FSIP2: variants seen among roughly 807,000 people sequenced by gnomAD.
FSIP2 encodes fibrous sheath-interacting protein 2.
In FSIP2, 367 loss-of-function variants were observed where a neutral mutation model predicts 510.5. The ratio of observed to expected loss-of-function variants is 0.72; its 90% CI spans 0.66 to 0.78. The LOEUF (loss-of-function observed/expected upper bound fraction) is 0.78. Ranked by LOEUF, FSIP2 falls within the 30% of genes least tolerant of loss-of-function variation. FSIP2 has a pLI of 0.00. For synonymous variants in FSIP2, 2,601 were observed against 2,732.2 expected (o/e 0.95, Z 1.50); for missense variants, 7,594 against 7,901.7 (o/e 0.96, Z 1.48).
In FSIP2 at chr2:185,763,219, C is replaced by T. The variant is rs1387941304; in HGVS notation, c.1277C>T (p.Ser426Leu). ...INISGQGSII[S>L]AQVSPTRNFS... is the part of the protein sequence containing the mutation. ...ATTTCAGGCCAAGGTTCAATTATTT[C>T]AGCGCAGGTATCACCCACGAGAAAT... Residue 426 changes from serine (S) to leucine (L), a missense_variant, in exon 12 of 23, where the codon TCA becomes TTA. Transcript: ENST00000424728. The T allele has an allele frequency of 5.9e-6, 9 of 1,514,624 alleles. No individual in the cohort carries two copies. The highest frequency in any genetic ancestry group is 1.4e-5 in the African/African-American group (1 of 72,406). The allele number at this position is 1,514,624 out of a possible 1,614,324, so 93.8% of individuals were successfully genotyped here.
At chr2:185,824,739 G>A (rs1050269003) in intron 20 of FSIP2, among the ~76,000 whole-genome samples, 1 of 151,640 alleles carries the variant, frequency 6.6e-6, no homozygotes, top group East Asian at 2.0e-4. Flanking sequence ...CCATACTCCT[G>A]TGAAATATCT....
At chr2:185,738,093 A>G (rs1019024219), upstream of FSIP2, 1 of 159,576 alleles carries the variant, frequency 6.3e-6, no homozygotes, top group Admixed American at 5.8e-5. Flanking sequence ...AGTTAAGTCT[A>G]AACAACAGGT....
chr2:185,825,143 T>C (rs768135461), intron 20 of FSIP2, among the ~76,000 whole-genome samples: 1 of 151,826 alleles, frequency 6.6e-6, no homozygotes, highest in African/African-American at 2.4e-5. Flanking sequence ...AACAAACATA[T>C]TCTCCCAATT....
chr2:185,774,580 G>GTGTC, intron 13 of FSIP2, among the ~76,000 whole-genome samples: 1 of 102,066 alleles, frequency 9.8e-6, no homozygotes, highest in South Asian at 3.8e-4. Context: ...CATCAAGCAG[G>GTGTC]ATTTTTTTTT....
At chr2:185,815,339 TTTAGTG>T (rs751870621) in intron 18 of FSIP2, 26 bp from the exon 19 acceptor site, 1 of 934,710 alleles carries the variant, frequency 1.1e-6, no homozygotes, top group Non-Finnish European at 1.7e-6. Context: ...CCAAACTCCA[TTTAGTG>T]TAATAGCTGA....
rs1238112119 is a variant in FSIP2 at position 185,790,318 on chromosome 2, C to T, written c.3182C>T (p.Ala1061Val). The part of the protein sequence containing the change: ...PPTKPGSRSK[A>V]AFHDWELKTE... ...ACAAAGCCTGGTTCTAGAAGCAAAGCTGCATTTCATGATTGGGAATTAAAG... is the reference window on the plus strand; with the variant it reads ...ACAAAGCCTGGTTCTAGAAGCAAAGTTGCATTTCATGATTGGGAATTAAAG... The change falls in exon 16 of 23, where the codon GCT becomes GTT. Residue 1061 changes from alanine (A) to valine (V), a missense_variant. Ala to Val is a moderately conservative substitution (Grantham distance 64). Transcript: ENST00000424728. The T allele has an allele frequency of 3.1e-5, 47 of 1,533,604 alleles. No individual in the cohort carries two copies. The highest frequency in any genetic ancestry group is 4.1e-5 in the Non-Finnish European group (47 of 1,145,458). The allele number at this position is 1,533,604 out of a possible 1,614,324, so 95.0% of individuals were successfully genotyped here. A position where few individuals can be genotyped will look rare whatever the true frequency, so the allele number is the denominator to read the frequency against.
Position 185,792,942 on chromosome 2 carries a change from G to A in FSIP2, c.5806G>A (p.Val1936Ile), listed in dbSNP as rs947773272. The A allele has an allele frequency of 6.5e-7, 1 of 1,534,218 alleles. No individual in the cohort carries two copies. Among genetic ancestry groups the A allele is most frequent in the East Asian group, 2.4e-5 (1 of 40,826 alleles). ...TNLETFATSK[V>I]KSLFYSQVNF... ...TTTAGAAACTTTTGCTACTTCCAAA[G>A]TAAAATCTCTCTTTTATTCTCAAGT... Residue 1936 changes from valine (V) to isoleucine (I), a missense_variant, in exon 16 of 23, where the codon GTA (valine) becomes ATA (isoleucine). Val to Ile is a conservative substitution (Grantham distance 29). Coordinates refer to ENST00000424728, the MANE Select transcript of FSIP2 (RefSeq NM_173651.4).
chr2:185,752,948 GA>G (rs939096439), intron 7 of FSIP2, among the ~76,000 whole-genome samples: 3 of 151,064 alleles, frequency 2.0e-5, no homozygotes, highest in African/African-American at 7.3e-5. Context: ...AATTTATTTG[GA>G]AACAATTTGA....
intron 22 of FSIP2, 72 bp from the exon 23 acceptor site, chr2:185,833,018 A>G (rs1694135198): frequency 9.4e-6 from 13 of 1,382,036 alleles, no homozygotes; most frequent in Admixed American, 3.6e-5. Flanking sequence ...TACTCATATG[A>G]CCTTAGGCAA....
intron 13 of FSIP2, chr2:185,765,230 T>C (rs1182436635): frequency 1.3e-5 from 2 of 152,028 alleles, no homozygotes; most frequent in Non-Finnish European, 2.9e-5. Flanking sequence ...GAGAATCATA[T>C]ACAACTTGAT....
Position 185,792,785 on chromosome 2 carries a change from C to T in FSIP2, c.5649C>T (p.His1883=). 3.3e-6 allele frequency: 5 copies of T among 1,534,128 alleles called. No homozygotes were observed. The highest frequency in any genetic ancestry group is 4.4e-6 in the Non-Finnish European group (5 of 1,145,506). Residue 1883 remains histidine, a synonymous_variant, in exon 16 of 23, where the codon CAC becomes CAT. Transcript: ENST00000424728. ...TFSANVSSHE[H]TYKGKSSVTA... ...CAGCAAATGTTTCTTCTCATGAACA[C>T]ACCTATAAAGGAAAGTCCTCTGTCA...
In FSIP2 at chr2:185,766,700, A is replaced by G. The variant is rs1009746237; in HGVS notation, c.1411+2135A>G. 5.6e-3 allele frequency among the ~76,000 whole-genome samples: 847 copies of G among 150,958 alleles called. 7 individuals carry two copies. The highest frequency in any genetic ancestry group is 0.016 in the South Asian group (74 of 4,684). ...CTGGAAAGGATGTGGAGAAATAGGAACACTTTTACACTGTTGGTGGGACTG... is the reference window on the plus strand; with the variant it reads ...CTGGAAAGGATGTGGAGAAATAGGAGCACTTTTACACTGTTGGTGGGACTG... On this transcript the variant is annotated intron_variant, in intron 13 of 22. Coordinates refer to ENST00000424728, the MANE Select transcript of FSIP2 (RefSeq NM_173651.4).
intron 9 of FSIP2, among the ~76,000 whole-genome samples, chr2:185,758,207 T>C (rs1157610720): frequency 6.6e-6 from 1 of 151,264 alleles, no homozygotes; most frequent in Admixed American, 6.6e-5. Flanking sequence ...CAGTTTGTTT[T>C]TTCATTCTTC....
At position 185,807,454 on chromosome 2, in the gene FSIP2, A is replaced by AAGTT. The variant is rs1693611932; in HGVS notation, c.18152_18155dup (p.Ala6054LysfsTer11). The AAGTT allele has an allele frequency of 6.2e-7, 1 of 1,612,498 alleles. No homozygotes were observed. ...CACAGAACTGAATTTCCTTCAAATG[A>AAGTT]AGTTAGTAAGTGCAGTTGCAACAGA... On this transcript the variant is annotated frameshift_variant, in exon 17 of 23. Coordinates refer to ENST00000424728, the MANE Select transcript of FSIP2 (RefSeq NM_173651.4). LOFTEE classifies it high-confidence loss of function.
rs1457090547 is a variant in FSIP2 at position 185,808,294 on chromosome 2, A to C, written c.18988A>C (p.Lys6330Gln). The C allele has an allele frequency of 6.2e-7, 1 of 1,604,894 alleles. No individual in the cohort carries two copies. The highest frequency in any genetic ancestry group is 1.1e-5 in the South Asian group (1 of 89,088). ...EKVIKIIDEL[K>Q]SKEKSSSRKG... ...AGTGATCAAAATTATTGATGAACTT[A>C]AGTCTAAGGAAAAGTCTTCATCCAG... Residue 6330 changes from lysine (K) to glutamine (Q), a missense_variant, in exon 17 of 23, where the codon AAG becomes CAG. Lys to Gln is a moderately conservative substitution (Grantham distance 53, BLOSUM62 1). Coordinates refer to ENST00000424728, the MANE Select transcript of FSIP2 (RefSeq NM_173651.4).
intron 2 of FSIP2, among the ~76,000 whole-genome samples, chr2:185,742,577 T>C (rs1691945469): frequency 6.6e-6 from 1 of 152,202 alleles, no homozygotes; most frequent in Admixed American, 6.5e-5. Context: ...TGTTGGTTCC[T>C]TGCATTAAAA....
In FSIP2 at chr2:185,790,794, T is replaced by C. The variant is rs767520369; in HGVS notation, c.3658T>C (p.Leu1220=). The C allele has an allele frequency of 1.3e-6, 2 of 1,532,538 alleles. No homozygotes were observed. Among genetic ancestry groups the C allele is most frequent in the South Asian group, 1.2e-5 (1 of 83,644 alleles). The allele number at this position is 1,532,538 out of a possible 1,614,324, so 94.9% of individuals were successfully genotyped here. ...IVKEAPNKYP[L]KTWFDSEKKM... ...CAAAGAAGCACCAAATAAATACCCA[T>C]TAAAAACATGGTTTGACAGTGAAAA... is the stretch of plus-strand genomic sequence containing the variant. The change falls in exon 16 of 23, where the codon TTA becomes CTA. Residue 1220 remains leucine (L), a synonymous_variant. Coordinates refer to ENST00000424728, the MANE Select transcript of FSIP2 (RefSeq NM_173651.4).
Position 185,813,738 on chromosome 2 carries a change from T to A in FSIP2, c.20021T>A (p.Phe6674Tyr). 1 of 1,612,474 alleles carries A rather than the reference T, an allele frequency of 6.2e-7. No homozygotes were observed. The highest frequency in any genetic ancestry group is 8.5e-7 in the Non-Finnish European group (1 of 1,179,364). Residue 6674 changes from phenylalanine to tyrosine, a missense_variant, in exon 18 of 23, where the codon TTT becomes TAT. Phe to Tyr is a conservative substitution (Grantham distance 22). Coordinates refer to ENST00000424728, the MANE Select transcript of FSIP2 (RefSeq NM_173651.4). Reference protein sequence around the residue: ...DEDEVVLTQTFAKEEGIKVFE... With the variant: ...DEDEVVLTQTYAKEEGIKVFE... ...GATGAAGTTGTTTTAACACAGACTT[T>A]TGCAAAAGAAGAAGGCATCAAAGTA...
rs920534321 is a variant in FSIP2 at position 185,745,338 on chromosome 2, A to G, written c.478-91A>G. On this transcript the variant is annotated intron_variant, in intron 4 of 22. Coordinates refer to ENST00000424728, the MANE Select transcript of FSIP2 (RefSeq NM_173651.4). ...ATGTAAATGCAATTAAACAGAATTA[A>G]GCATTTATAAAATATATAAATTTAA... The G allele has an allele frequency of 4.0e-6, 3 of 757,968 alleles. No homozygotes were observed. The East Asian group carries it at 9.3e-5, about 23-fold the overall frequency. The allele number at this position is 757,968 out of a possible 1,614,324, so 47.0% of individuals were successfully genotyped here.
Sources: gnomAD v4.1 joint callset for allele counts (sites outside exome capture counted in the v4.1 genomes callset) on GRCh38, gnomAD v4.1.1 for gene constraint, MANE v1.5 for transcripts, NCBI Gene and HGNC (gene_info 2026-07-23, HGNC 2026-07-21) for gene names.